CXCL17: variants seen among roughly 807,000 people sequenced by gnomAD.
The protein encoded by CXCL17 is C-X-C motif chemokine ligand 17.
CXCL17 carries 9 observed loss-of-function variants against 15.5 expected under a neutral mutation model. That is an observed-to-expected ratio of 0.58 (90% CI 0.35 to 1.01). The LOEUF is 1.01. CXCL17 is among the 50% of genes least tolerant of loss of function. The probability of loss-of-function intolerance (pLI) is 0.02; values close to 1 mark genes in which losing one functional copy is unlikely to be tolerated. For synonymous variants in CXCL17, 52 were observed against 52.3 expected (o/e 0.99, Z 0.02); for missense variants, 133 against 138.2 (o/e 0.96, Z 0.19).
At chr19:42,437,418 A>G (rs2147700174) in intron 1 of CXCL17, among the ~76,000 whole-genome samples, 1 of 152,346 alleles carries the variant, frequency 6.6e-6, no homozygotes, top group African/African-American at 2.4e-5. Flanking sequence ...AGTTTTGGGA[A>G]CCACTGATAC....
At chr19:42,431,392 C>G (rs937080305) in intron 3 of CXCL17, among the ~76,000 whole-genome samples, 4 of 152,118 alleles carry the variant, frequency 2.6e-5, no homozygotes, top group African/African-American at 9.7e-5. Flanking sequence ...TCATTTTATT[C>G]TTTTGATGAT....
At chr19:42,437,750 T>C (rs1399890498) in intron 1 of CXCL17, among the ~76,000 whole-genome samples, 1 of 152,214 alleles carries the variant, frequency 6.6e-6, no homozygotes, top group African/African-American at 2.4e-5. Context: ...TGTAAAGAAG[T>C]TACTTCCACT....
At chr19:42,434,049 G>T (rs562637437) in intron 1 of CXCL17, among the ~76,000 whole-genome samples, 193 bp from the exon 2 acceptor site, 1 of 152,216 alleles carries the variant, frequency 6.6e-6, no homozygotes, top group East Asian at 1.9e-4. Flanking sequence ...GCCTAGGCTG[G>T]TCTTGAACTC....
chr19:42,433,713 G>T, intron 2 of CXCL17, 63 bp downstream of exon 2: 1 of 1,386,770 alleles, frequency 7.2e-7, no homozygotes. Context: ...TCTCAGAGGG[G>T]CCCAAGGGAG....
At chr19:42,440,887 T>A (rs926359789) in intron 1 of CXCL17, among the ~76,000 whole-genome samples, 1 of 150,598 alleles carries the variant, frequency 6.6e-6, no homozygotes, top group African/African-American at 2.4e-5. Context: ...TCTAGAGATA[T>A]TTTTGGCTGC....
intron 1 of CXCL17, among the ~76,000 whole-genome samples, chr19:42,442,069 A>G (rs549215546): frequency 6.6e-6 from 1 of 152,250 alleles, no homozygotes; most frequent in Non-Finnish European, 1.5e-5. Flanking sequence ...TCCCACCATC[A>G]TCATTAAGTT....
At chr19:42,438,381 A>AAAAAATATAT (rs1555793041) in intron 1 of CXCL17, among the ~76,000 whole-genome samples, 8 of 63,846 alleles carry the variant, frequency 1.3e-4, no homozygotes, top group African/African-American at 3.8e-4. Flanking sequence ...AAAAAAAAAA[A>AAAAAATATAT]ATATATATAT....
intron 1 of CXCL17, among the ~76,000 whole-genome samples, chr19:42,434,233 A>C (rs548984356): frequency 6.4e-4 from 98 of 152,310 alleles, no homozygotes; most frequent in African/African-American, 2.3e-3. Flanking sequence ...CCTAGAGAAA[A>C]GCTTAGCTGA....
chr19:42,440,283 CTT>C (rs2040878892), intron 1 of CXCL17, among the ~76,000 whole-genome samples: 1 of 152,110 alleles, frequency 6.6e-6, no homozygotes, highest in East Asian at 1.9e-4. Context: ...TATATTCTCA[CTT>C]ATTTCTATTT....
Position 42,442,914 on chromosome 19 carries a change from A to G in CXCL17, c.-82T>C. On this transcript the variant is annotated 5_prime_UTR_variant, in exon 1 of 4. Coordinates refer to ENST00000601181, the MANE Select transcript of CXCL17 (RefSeq NM_198477.3). ...TGGAGGCTCCTGATCCCTGGGGATG[A>G]CTCAGGTCAGGATACTCAGCCTGGT... The G allele has an allele frequency of 9.3e-7, 1 of 1,075,548 alleles. No homozygotes were observed. The allele number at this position is 1,075,548 out of a possible 1,614,324, so 66.6% of individuals were successfully genotyped here. A position where few individuals can be genotyped will look rare whatever the true frequency, so the allele number is the denominator to read the frequency against.
chr19:42,436,825 A>G (rs1322591223), intron 1 of CXCL17, among the ~76,000 whole-genome samples: 1 of 152,184 alleles, frequency 6.6e-6, no homozygotes, highest in Non-Finnish European at 1.5e-5. Flanking sequence ...ACTGTTTTCC[A>G]AATTTTAGAT....
At chr19:42,440,163 G>A (rs2040877639) in intron 1 of CXCL17, among the ~76,000 whole-genome samples, 1 of 151,968 alleles carries the variant, frequency 6.6e-6, no homozygotes, top group African/African-American at 2.4e-5. Context: ...CAATGCTTGT[G>A]ATATAGGAGT....
At chr19:42,429,202 A>AT (rs1386320009) in intron 3 of CXCL17, among the ~76,000 whole-genome samples, 1 of 150,970 alleles carries the variant, frequency 6.6e-6, no homozygotes, top group Non-Finnish European at 1.5e-5. Flanking sequence ...TAATTTTTGT[A>AT]TTTTAGTAGA....
Position 42,433,835 on chromosome 19 carries a change from T to C in CXCL17, c.101A>G (p.Asp34Gly). The change falls in exon 2 of 4, where the codon GAC becomes GGC. Residue 34 changes from aspartate (D) to glycine (G), a missense_variant. Physicochemically the swap from Asp to Gly is moderately conservative, Grantham distance 94 (BLOSUM62 -1). Transcript: ENST00000601181. ...CCATCTCCTAGAAGCCTGGCCTCGG[T>C]CCCTGTGGCCTCTGGCGACCCCTGT... The part of the protein sequence containing the change: ...LNPGVARGHR[D>G]RGQASRRWLQ... The C allele has an allele frequency of 6.2e-7, 1 of 1,613,986 alleles. No individual in the cohort carries two copies. Among genetic ancestry groups the C allele is most frequent in the Non-Finnish European group, 8.5e-7 (1 of 1,179,948 alleles).
chr19:42,435,828 TAAA>T (rs34518705), intron 1 of CXCL17, among the ~76,000 whole-genome samples: 5 of 136,854 alleles, frequency 3.7e-5, no homozygotes, highest in Admixed American at 7.3e-5. Context: ...AGACTTTGTC[TAAA>T]AAAAAAAAAA....
At chr19:42,436,617 T>C (rs900363328) in intron 1 of CXCL17, among the ~76,000 whole-genome samples, 2 of 152,214 alleles carry the variant, frequency 1.3e-5, no homozygotes, top group African/African-American at 4.8e-5. Context: ...TTTATTAATA[T>C]AGTGATAACC....
Position 42,432,986 on chromosome 19 carries a change from C to T in CXCL17, c.252G>A (p.Val84=), listed in dbSNP as rs2040798105. 6.2e-7 allele frequency: 1 copy of T among 1,613,210 alleles called. No homozygotes were observed. The highest frequency in any genetic ancestry group is 8.5e-7 in the Non-Finnish European group (1 of 1,179,166). ...CCTTTGGAAACTTACTTGTTTTCTT[C>T]ACATTGCCCTTGAAATGATCACAGG... ...QCPCDHFKGN[V]KKTRHQRHHR... Residue 84 remains valine, a synonymous_variant, in exon 3 of 4, where the codon GTG becomes GTA. Transcript: ENST00000601181.
chr19:42,433,808 A>T lies in CXCL17; in HGVS notation c.128T>A (p.Leu43His). The stretch of plus-strand genomic sequence containing the variant: ...CTCACATTCTTGGCCGCCTTCCTGG[A>T]GCCATCTCCTAGAAGCCTGGCCTCG... ...RDRGQASRRW[L>H]QEGGQECECK... Residue 43 changes from leucine to histidine, a missense_variant, in exon 2 of 4, where the codon CTC becomes CAC. Physicochemically the swap from Leu to His is moderately conservative, Grantham distance 99 (BLOSUM62 -3). Coordinates refer to ENST00000601181, the MANE Select transcript of CXCL17 (RefSeq NM_198477.3). 6.2e-7 allele frequency: 1 copy of T among 1,614,052 alleles called. No homozygotes were observed. The highest frequency in any genetic ancestry group is 8.5e-7 in the Non-Finnish European group (1 of 1,179,998).
intron 1 of CXCL17, among the ~76,000 whole-genome samples, chr19:42,441,066 G>A (rs1305961224): frequency 1.3e-5 from 2 of 152,234 alleles, no homozygotes; most frequent in East Asian, 3.8e-4. Flanking sequence ...GTTTGATTTA[G>A]CAACCTGAGG....
Sources: allele counts gnomAD v4.1 joint callset (sites outside exome capture counted in the v4.1 genomes callset), GRCh38; gene constraint gnomAD v4.1.1; transcripts MANE v1.5; gene names NCBI Gene and HGNC (gene_info 2026-07-23, HGNC 2026-07-21).